SAYSD1: variants seen among roughly 807,000 people sequenced by gnomAD.
The protein encoded by SAYSD1 is SAYSvFN domain-containing protein 1.
A neutral mutation model predicts 14.5 loss-of-function variants in SAYSD1; 15 were observed. That is an observed-to-expected ratio of 1.03 (90% CI 0.69 to 1.59). The LOEUF (loss-of-function observed/expected upper bound fraction) is 1.59. SAYSD1 is among the 40% of genes most tolerant of loss of function. The probability of loss-of-function intolerance (pLI) is 0.00; values close to 1 mark genes in which losing one functional copy is unlikely to be tolerated. For missense variants in SAYSD1, 247 were observed against 227.3 expected, an observed-to-expected ratio of 1.09 and a Z score of -0.56; for synonymous variants, 105 against 102.6, an observed-to-expected ratio of 1.02 and a Z score of -0.14.
In SAYSD1 at chr6:39,105,461, AC is replaced by A. The variant is rs1769479537; in HGVS notation, c.522del (p.Glu174AspfsTer4). ...CTCCCTGCCAGGGGTCTCAACTGTA[AC>A]TCGCGCTCCAACTGCTCTGCAGTCA... The part of the protein sequence containing the change: ...GTLTAEQLER[E>X]LQLRPLAGR On this transcript the variant is annotated frameshift_variant, in exon 2 of 2. Transcript: ENST00000229903. LOFTEE classifies it high-confidence loss of function. 1 of 1,614,036 alleles carries A rather than the reference AC, an allele frequency of 6.2e-7. No individual in the cohort carries two copies. The highest frequency in any genetic ancestry group is 1.7e-5 in the Admixed American group (1 of 60,006).
intron 1 of SAYSD1, among the ~76,000 whole-genome samples, chr6:39,106,661 T>C (rs959600017): frequency 1.3e-5 from 2 of 152,174 alleles, no homozygotes; most frequent in Non-Finnish European, 2.9e-5. Flanking sequence ...CTGCCTCCTA[T>C]CTCTTCCCTC....
Position 39,115,144 on chromosome 6 carries a change from C to A in SAYSD1, c.-55G>T. 6.7e-7 allele frequency: 1 copy of A among 1,497,886 alleles called. No homozygotes were observed. Among genetic ancestry groups the A allele is most frequent in the South Asian group, 1.3e-5 (1 of 79,922 alleles). The allele number at this position is 1,497,886 out of a possible 1,614,324, so 92.8% of individuals were successfully genotyped here. ...AGGGAGCGCGCGCCCGCAGGCCGCACAGCAGTTGCCTCCGCTCGGCCCGCG... is the reference window on the plus strand; with the variant it reads ...AGGGAGCGCGCGCCCGCAGGCCGCAAAGCAGTTGCCTCCGCTCGGCCCGCG... On this transcript the variant is annotated 5_prime_UTR_variant, in exon 1 of 2. Transcript: ENST00000229903.
At position 39,115,120 on chromosome 6, in the gene SAYSD1, G is replaced by T; in HGVS notation, c.-31C>A. 1 of 1,583,214 alleles carries T rather than the reference G, an allele frequency of 6.3e-7. No homozygotes were observed. The highest frequency in any genetic ancestry group is 1.1e-5 in the South Asian group (1 of 89,928). On this transcript the variant is annotated 5_prime_UTR_variant, in exon 1 of 2. Transcript: ENST00000229903. ...GCGCCTCGCGTCCGTTGGCCGATAA[G>T]GGAGCGCGCGCCCGCAGGCCGCACA...
chr6:39,109,239 G>A lies in SAYSD1; in HGVS notation c.208-3463C>T, dbSNP rs1433548372. Reference sequence around the variant, plus strand: ...TGGGAAATGGGTTCTGGGGCAGGGTGGTGTGCTGGGGGCTTGCCTGGGATA... The same window carrying A: ...TGGGAAATGGGTTCTGGGGCAGGGTAGTGTGCTGGGGGCTTGCCTGGGATA... On this transcript the variant is annotated intron_variant, in intron 1 of 1. Transcript: ENST00000229903. The A allele has an allele frequency of 4.5e-6, 6 of 1,324,188 alleles. No homozygotes were observed. The African/African-American group carries it at 5.8e-5, about 13-fold the overall frequency. 82.0% of individuals were successfully genotyped at this position (1,324,188 alleles called of 1,614,324 possible). A position where few individuals can be genotyped will look rare whatever the true frequency, so the allele number is the denominator to read the frequency against.
At chr6:39,109,726 G>T in intron 1 of SAYSD1, 1 of 533,460 alleles carries the variant, frequency 1.9e-6, no homozygotes, top group Non-Finnish European at 2.4e-6. Flanking sequence ...TATCCTCTGG[G>T]TTTCTTGGGT....
chr6:39,109,792 T>C (rs1215227060), intron 1 of SAYSD1: 1 of 176,714 alleles, frequency 5.7e-6, no homozygotes, highest in Non-Finnish European at 1.1e-5. Context: ...CTGAAGCATA[T>C]TCCATAGTGT....
At chr6:39,113,399 C>G (rs1762060648) in intron 1 of SAYSD1, 1 of 152,564 alleles carries the variant, frequency 6.6e-6, no homozygotes, top group South Asian at 2.1e-4. Context: ...GTAAATTAGA[C>G]TTTTTCTTTT....
chr6:39,114,810 C>T, intron 1 of SAYSD1, 73 bp downstream of exon 1: 1 of 1,496,076 alleles, frequency 6.7e-7, no homozygotes, highest in South Asian at 1.2e-5. Context: ...GGCCACACCC[C>T]CGGCAGCTAG....
At chr6:39,112,874 G>C (rs1038561725) in intron 1 of SAYSD1, 2 of 154,140 alleles carry the variant, frequency 1.3e-5, no homozygotes, top group African/African-American at 4.8e-5. Context: ...TTAAAAGACT[G>C]TTTCAGTATG....
chr6:39,109,262 A>G, intron 1 of SAYSD1: 1 of 1,504,920 alleles, frequency 6.6e-7, no homozygotes, highest in African/African-American at 1.4e-5. Flanking sequence ...CTTGCCTGGG[A>G]TATGGCTGGA....
intron 1 of SAYSD1, among the ~76,000 whole-genome samples, chr6:39,110,076 T>A (rs1334674288): frequency 6.6e-6 from 1 of 152,184 alleles, no homozygotes; most frequent in East Asian, 1.9e-4. Context: ...TTCAGTTTTG[T>A]CATCCCTTCA....
In SAYSD1 at chr6:39,105,179, A is replaced by T; in HGVS notation, c.*253T>A. ...CCCAAACAGATGAGAAATGAAACAA[A>T]CAGGTCTCCCTTCTTGAGTACATAA... On this transcript the variant is annotated 3_prime_UTR_variant, in exon 2 of 2. Coordinates refer to ENST00000229903, the MANE Select transcript of SAYSD1 (RefSeq NM_018322.3). 1 of 467,008 alleles carries T rather than the reference A, an allele frequency of 2.1e-6. No homozygotes were observed. The highest frequency in any genetic ancestry group is 3.8e-6 in the Non-Finnish European group (1 of 260,002). 28.9% of individuals were successfully genotyped at this position (467,008 alleles called of 1,614,324 possible). A position where few individuals can be genotyped will look rare whatever the true frequency, so the allele number is the denominator to read the frequency against.
At position 39,105,679 on chromosome 6, in the gene SAYSD1, G is replaced by A. The variant is rs1243966706; in HGVS notation, c.305C>T (p.Thr102Ile). The A allele has an allele frequency of 6.2e-7, 1 of 1,614,118 alleles. No individual in the cohort carries two copies. Among genetic ancestry groups the A allele is most frequent in the East Asian group, 2.2e-5 (1 of 44,902 alleles). The change falls in exon 2 of 2, where the codon ACC becomes ATC. Residue 102 changes from threonine (T) to isoleucine (I), a missense_variant. Thr to Ile is a moderately conservative substitution (Grantham distance 89). Coordinates refer to ENST00000229903, the MANE Select transcript of SAYSD1 (RefSeq NM_018322.3). ...CAACCAGAGAAGAACCTTCAAGAAG[G>A]TGATATTGGTCAGGAAAGACTGGTC... ...CWDQSFLTNI[T>I]FLKVLLWLVL...
Position 39,105,422 on chromosome 6 carries a change from C to T in SAYSD1, c.*10G>A. ...ATCAGAGGTTAGCTGCATGACAGCA[C>T]AGCTGGGTCCTATCTCCCTGCCAGG... On this transcript the variant is annotated 3_prime_UTR_variant, in exon 2 of 2. Transcript: ENST00000229903. The T allele has an allele frequency of 1.9e-6, 3 of 1,611,614 alleles. No individual in the cohort carries two copies. Among genetic ancestry groups the T allele is most frequent in the Non-Finnish European group, 1.7e-6 (2 of 1,178,372 alleles).
intron 1 of SAYSD1, among the ~76,000 whole-genome samples, chr6:39,108,379 G>A (rs1015133835): frequency 6.6e-6 from 1 of 150,988 alleles, no homozygotes; most frequent in Non-Finnish European, 1.5e-5. Flanking sequence ...GGCCTTTATG[G>A]GGGGTGGCAG....
intron 1 of SAYSD1, among the ~76,000 whole-genome samples, chr6:39,106,199 A>G (rs1296477584): frequency 6.6e-6 from 1 of 152,134 alleles, no homozygotes; most frequent in Non-Finnish European, 1.5e-5. Flanking sequence ...AAGTGACATG[A>G]TTCTAAAATA....
chr6:39,115,054 C>CCG lies in SAYSD1; in HGVS notation c.34_35dup (p.Lys13GlyfsTer30). The stretch of plus-strand genomic sequence containing the variant: ...GTTGGGCCGCCAGACCCGCCCGTTT[C>CCG]CGCGCCGCCCGAAACTCAGCTAACC... On this transcript the variant is annotated frameshift_variant, in exon 1 of 2. Transcript: ENST00000229903. LOFTEE classifies it high-confidence loss of function. 1 of 1,610,472 alleles carries CCG rather than the reference C, an allele frequency of 6.2e-7. No individual in the cohort carries two copies. The highest frequency in any genetic ancestry group is 8.5e-7 in the Non-Finnish European group (1 of 1,179,816).
At chr6:39,108,371 C>A (rs762672100) in intron 1 of SAYSD1, among the ~76,000 whole-genome samples, 1 of 136,202 alleles carries the variant, frequency 7.3e-6, no homozygotes, top group African/African-American at 2.9e-5. Context: ...TAATTAGGGG[C>A]CTTTATGGGG....
At chr6:39,114,745 G>GCGGTC in intron 1 of SAYSD1, 138 bp downstream of exon 1, 1 of 789,558 alleles carries the variant, frequency 1.3e-6, no homozygotes, top group Non-Finnish European at 2.0e-6. Flanking sequence ...CCGGAGATGA[G>GCGGTC]CGGTCCGGCC....
Sources: allele counts gnomAD v4.1 joint callset (sites outside exome capture counted in the v4.1 genomes callset), GRCh38; gene constraint gnomAD v4.1.1; transcripts MANE v1.5; gene names NCBI Gene and HGNC (gene_info 2026-07-23, HGNC 2026-07-21).